Variants in MMS22L observed in about 807,000 individuals in gnomAD.
The protein encoded by MMS22L is protein MMS22-like.
Under a neutral mutation model 159.1 loss-of-function variants are expected in MMS22L, and 74 were observed. That is an observed-to-expected ratio of 0.47 (90% CI 0.39 to 0.56). The LOEUF (loss-of-function observed/expected upper bound fraction) is 0.56, where lower values mean the gene tolerates loss of function less well. Among genes scored for constraint, MMS22L ranks in the 20% least tolerant of loss-of-function variants. The pLI is 0.00. For missense variants in MMS22L, 1,351 were observed against 1,422.1 expected, an observed-to-expected ratio of 0.95 and a Z score of 0.80; for synonymous variants, 517 against 506.9, an observed-to-expected ratio of 1.02 and a Z score of -0.27.
chr6:97,184,809 AC>A (rs1805057582), intron 15 of MMS22L, among the ~76,000 whole-genome samples: 1 of 152,024 alleles, frequency 6.6e-6, no homozygotes, highest in African/African-American at 2.4e-5. Flanking sequence ...TCTAGCCTCA[AC>A]CTAGCAGCCA....
intron 14 of MMS22L, among the ~76,000 whole-genome samples, chr6:97,213,782 G>C (rs1808656958): frequency 6.6e-6 from 1 of 152,134 alleles, no homozygotes; most frequent in Admixed American, 6.5e-5. Context: ...AAAAGGCTTA[G>C]AGAAATAGTG....
chr6:97,244,683 T>C (rs999747630), intron 11 of MMS22L, among the ~76,000 whole-genome samples: 1 of 152,210 alleles, frequency 6.6e-6, no homozygotes, highest in Admixed American at 6.5e-5. Flanking sequence ...CTGGACTGGA[T>C]TCCTTGCTCC....
At chr6:97,185,317 T>G (rs1463066855) in intron 15 of MMS22L, among the ~76,000 whole-genome samples, 1 of 152,142 alleles carries the variant, frequency 6.6e-6, no homozygotes, top group Non-Finnish European at 1.5e-5. Context: ...TTAAACTAGG[T>G]ATTCAGTAAC....
At chr6:97,209,714 C>T (rs1039928573) in intron 14 of MMS22L, among the ~76,000 whole-genome samples, 16 of 151,826 alleles carry the variant, frequency 1.1e-4, no homozygotes, top group Admixed American at 7.9e-4. Flanking sequence ...TATTTTTTGA[C>T]TAAATTATTT....
rs1181924849 is a variant in MMS22L, at chr6:97,143,472, C to G, written c.*3334G>C. The stretch of plus-strand genomic sequence containing the variant: ...ACAATGGTAAGTTACTGGAAGTCCT[C>G]GAGCAGAAAAGTAACAAGAGGAAAA... On this transcript the variant is annotated 3_prime_UTR_variant, in exon 25 of 25. Transcript: ENST00000683635. 6.6e-6 allele frequency: 1 copy of G among 152,194 alleles called. No homozygotes were observed. Among genetic ancestry groups the G allele is most frequent in the South Asian group, 2.1e-4 (1 of 4,814 alleles). 9.4% of individuals were successfully genotyped at this position (152,194 alleles called of 1,614,324 possible). A position where few individuals can be genotyped will look rare whatever the true frequency, so the allele number is the denominator to read the frequency against.
chr6:97,268,116 T>A, intron 7 of MMS22L, 114 bp from the exon 8 acceptor site: 1 of 732,276 alleles, frequency 1.4e-6, no homozygotes, highest in Non-Finnish European at 2.0e-6. Context: ...TTTTAATTTT[T>A]TTTTGCAAAT....
chr6:97,215,407 T>G (rs1371233736), intron 14 of MMS22L, among the ~76,000 whole-genome samples: 1 of 152,128 alleles, frequency 6.6e-6, no homozygotes, highest in Non-Finnish European at 1.5e-5. Flanking sequence ...AATTCTAACA[T>G]CACAGCATCA....
At chr6:97,147,930 A>G (rs1454387727) in intron 24 of MMS22L, among the ~76,000 whole-genome samples, 1 of 152,216 alleles carries the variant, frequency 6.6e-6, no homozygotes, top group Non-Finnish European at 1.5e-5. Flanking sequence ...TTAATAAAAA[A>G]TTTTTGTCTA....
chr6:97,266,473 A>G (rs1012142096), intron 8 of MMS22L: 1 of 152,228 alleles, frequency 6.6e-6, no homozygotes, highest in Non-Finnish European at 1.5e-5. Context: ...ACAATGGAAT[A>G]CAGTCATGTG....
At chr6:97,277,820 C>T (rs575400135) in intron 4 of MMS22L, among the ~76,000 whole-genome samples, 47 of 152,316 alleles carry the variant, frequency 3.1e-4, no homozygotes, top group Non-Finnish European at 4.9e-4. Context: ...CAAGCCCCAG[C>T]TTTTCCTTGT....
At chr6:97,252,644 C>CAAAAA (rs377388849) in intron 10 of MMS22L, among the ~76,000 whole-genome samples, 1 of 80,030 alleles carries the variant, frequency 1.2e-5, no homozygotes, top group African/African-American at 4.7e-5. Context: ...GACTCCATCT[C>CAAAAA]AAAAAAAAAA....
chr6:97,190,354 A>G lies in MMS22L; in HGVS notation c.2040-3664T>C, dbSNP rs531918031. Reference sequence around the variant, plus strand: ...GATTTCTGGTCAGAAACTGAAAGACATAACACAAGGATGTAGGATCTCCCA... The same window carrying G: ...GATTTCTGGTCAGAAACTGAAAGACGTAACACAAGGATGTAGGATCTCCCA... On this transcript the variant is annotated intron_variant, in intron 14 of 24. Transcript: ENST00000683635. Among the ~76,000 whole-genome samples the G allele has an allele frequency of 3.3e-5, 5 of 152,320 alleles. No homozygotes were observed. In the East Asian group the frequency reaches 9.7e-4, roughly 29 times the overall value.
intron 4 of MMS22L, among the ~76,000 whole-genome samples, chr6:97,277,777 T>C (rs1222319978): frequency 6.6e-6 from 1 of 152,130 alleles, no homozygotes; most frequent in Non-Finnish European, 1.5e-5. Context: ...GCCCCAAACA[T>C]ATCACAAGTC....
In MMS22L at chr6:97,181,520, C is replaced by T. The variant is rs532343897; in HGVS notation, c.2384+384G>A. ...AGTGAGTTAACAGTTAAAAATCTAGCAGCAAAAAGGAAAGCTATCATTAAA... is the reference window on the plus strand; with the variant it reads ...AGTGAGTTAACAGTTAAAAATCTAGTAGCAAAAAGGAAAGCTATCATTAAA... On this transcript the variant is annotated intron_variant, in intron 16 of 24. Coordinates refer to ENST00000683635, the MANE Select transcript of MMS22L (RefSeq NM_001350599.2). Among the ~76,000 whole-genome samples, 104 of 151,922 alleles carry T rather than the reference C, an allele frequency of 6.8e-4. 1 individual carries two copies. The South Asian group carries it at 0.02, about 29-fold the overall frequency.
Position 97,178,233 on chromosome 6 carries a change from A to C in MMS22L, c.2679+210T>G, listed in dbSNP as rs555321779. 3.9e-5 allele frequency among the ~76,000 whole-genome samples: 6 copies of C among 152,218 alleles called. No individual in the cohort carries two copies. In the East Asian group the frequency reaches 1.2e-3, roughly 29 times the overall value. On this transcript the variant is annotated intron_variant, in intron 18 of 24. Transcript: ENST00000683635. ...TTCTTTAGTTTTATTATTCTTCATT[A>C]ATGTAATTTTTCTGCTGTCCTTAAG...
intron 9 of MMS22L, among the ~76,000 whole-genome samples, chr6:97,258,251 A>G (rs975104658): frequency 6.6e-6 from 1 of 152,228 alleles, no homozygotes; most frequent in Non-Finnish European, 1.5e-5. Flanking sequence ...TATAGACCTT[A>G]AGGCTGACTC....
At chr6:97,195,119 G>A (rs1806346780) in intron 14 of MMS22L, among the ~76,000 whole-genome samples, 2 of 152,172 alleles carry the variant, frequency 1.3e-5, no homozygotes, top group Admixed American at 6.5e-5. Context: ...CATCTTTTAA[G>A]AAGGTGACAT....
chr6:97,273,336 T>TA (rs1454184905), intron 4 of MMS22L, among the ~76,000 whole-genome samples: 1 of 152,202 alleles, frequency 6.6e-6, no homozygotes, highest in Non-Finnish European at 1.5e-5. Context: ...TGGTGCCAGA[T>TA]AATGAGTCTT....
chr6:97,241,005 C>A (rs571248071), intron 11 of MMS22L, among the ~76,000 whole-genome samples: 2 of 152,320 alleles, frequency 1.3e-5, no homozygotes, highest in African/African-American at 4.8e-5. Flanking sequence ...TTATATCATG[C>A]TTACACCTTT....
Sources: gnomAD v4.1 joint callset for allele counts (sites outside exome capture counted in the v4.1 genomes callset) on GRCh38, gnomAD v4.1.1 for gene constraint, MANE v1.5 for transcripts, NCBI Gene and HGNC (gene_info 2026-07-23, HGNC 2026-07-21) for gene names.